EYS: variants seen among roughly 807,000 people sequenced by gnomAD.
The protein encoded by EYS is protein eyes shut homolog.
Under a neutral mutation model 282.1 loss-of-function variants are expected in EYS, and 250 were observed. That is an observed-to-expected ratio of 0.89 (90% CI 0.80 to 0.98). The LOEUF (loss-of-function observed/expected upper bound fraction) is 0.98, where lower values mean the gene tolerates loss of function less well. Among genes scored for constraint, EYS ranks in the 50% least tolerant of loss-of-function variants. The pLI, the probability that EYS is intolerant of heterozygous loss-of-function variation, is 0.00. For synonymous variants in EYS, 1,355 were observed against 1,282.9 expected, an observed-to-expected ratio of 1.06 and a Z score of -1.20; for missense variants, 4,016 against 3,709.0, an observed-to-expected ratio of 1.08 and a Z score of -2.15.
At chr6:64,096,344 G>A (rs891814994) in intron 31 of EYS, among the ~76,000 whole-genome samples, 1 of 152,190 alleles carries the variant, frequency 6.6e-6, no homozygotes, top group Non-Finnish European at 1.5e-5. Flanking sequence ...ACTGCAGAGT[G>A]TTTTCCAACT....
intron 14 of EYS, among the ~76,000 whole-genome samples, chr6:64,965,634 A>C (rs2150108376): frequency 6.6e-6 from 1 of 152,238 alleles, no homozygotes; most frequent in South Asian, 2.1e-4. Flanking sequence ...CTTTTTATAT[A>C]GCATCATCCC....
At chr6:65,122,676 A>G (rs963759931) in intron 12 of EYS, among the ~76,000 whole-genome samples, 2 of 152,140 alleles carry the variant, frequency 1.3e-5, no homozygotes, top group Non-Finnish European at 2.9e-5. Context: ...GGAATAATTA[A>G]ACATTTATTG....
intron 30 of EYS, among the ~76,000 whole-genome samples, chr6:64,272,678 C>T (rs975516528): frequency 6.6e-6 from 1 of 152,126 alleles, no homozygotes; most frequent in East Asian, 1.9e-4. Flanking sequence ...GGGATTTTGA[C>T]TGGAATTGTA....
intron 29 of EYS, among the ~76,000 whole-genome samples, chr6:64,366,824 A>C (rs1241459381): frequency 1.3e-5 from 2 of 152,084 alleles, no homozygotes; most frequent in East Asian, 3.9e-4. Context: ...TAGGCTGTTG[A>C]AAGTGCTTGC....
intron 26 of EYS, among the ~76,000 whole-genome samples, chr6:64,551,670 A>G (rs1765087272): frequency 6.6e-6 from 1 of 151,686 alleles, no homozygotes; most frequent in South Asian, 2.1e-4. Flanking sequence ...CTGAGTACCA[A>G]GGACCACAAG....
At chr6:65,554,493 A>T (rs2351265) in intron 2 of EYS, among the ~76,000 whole-genome samples, 83,391 of 151,830 alleles carry the variant, frequency 0.55, 22,935 homozygotes, top group East Asian at 0.71. Context: ...CTTGTTTTGA[A>T]AGATGCTTTT....
At chr6:65,349,143 G>T (rs1032350417) in intron 9 of EYS, among the ~76,000 whole-genome samples, 1 of 151,294 alleles carries the variant, frequency 6.6e-6, no homozygotes, top group African/African-American at 2.4e-5. Context: ...TTTATTATAT[G>T]TTATATATTT....
intron 22 of EYS, among the ~76,000 whole-genome samples, chr6:64,657,264 G>A (rs1032501889): frequency 6.6e-6 from 1 of 152,022 alleles, no homozygotes; most frequent in African/African-American, 2.4e-5. Flanking sequence ...ACATGAGATG[G>A]GTTTCCTGAA....
chr6:65,170,221 C>T (rs541099851), intron 12 of EYS, among the ~76,000 whole-genome samples: 25 of 150,894 alleles, frequency 1.7e-4, no homozygotes, highest in Non-Finnish European at 2.8e-4. Flanking sequence ...CACACGCGCG[C>T]GTGCACGCAC....
In EYS at chr6:63,985,247, G is replaced by A. The variant is rs117517945; in HGVS notation, c.6835-644C>T. ...AATATTGCCATGTGAACAAAAAGGC[G>A]GAGATCAGGGTGATGCATCTATGGG... is the stretch of plus-strand genomic sequence containing the variant. On this transcript the variant is annotated intron_variant, in intron 34 of 42. Coordinates refer to ENST00000503581, the MANE Select transcript of EYS (RefSeq NM_001142800.2). Among the ~76,000 whole-genome samples, 1,494 of 151,704 alleles carry A rather than the reference G, an allele frequency of 9.8e-3. 22 individuals carry two copies. Among genetic ancestry groups the A allele is most frequent in the East Asian group, 0.036 (183 of 5,126 alleles).
intron 22 of EYS, among the ~76,000 whole-genome samples, chr6:64,656,671 A>G (rs9354006): frequency 0.64 from 97,329 of 152,014 alleles, 31,391 homozygotes; most frequent in African/African-American, 0.71. Flanking sequence ...CACCTGATAG[A>G]CTAAGAAAGC....
At chr6:64,044,480 T>A (rs144284139) in intron 33 of EYS, among the ~76,000 whole-genome samples, 63 of 152,328 alleles carry the variant, frequency 4.1e-4, no homozygotes, top group African/African-American at 1.4e-3. Flanking sequence ...GAACGTAAGT[T>A]CACTTATGAG....
chr6:65,280,481 G>A (rs1317560950), intron 12 of EYS, among the ~76,000 whole-genome samples: 2 of 152,046 alleles, frequency 1.3e-5, no homozygotes, highest in South Asian at 2.1e-4. Context: ...GCACCCTGAC[G>A]TTTCACATAG....
At chr6:65,294,778 A>G (rs1262059149) in intron 12 of EYS, among the ~76,000 whole-genome samples, 1 of 151,936 alleles carries the variant, frequency 6.6e-6, no homozygotes, top group Admixed American at 6.6e-5. Flanking sequence ...TTGTTAAAGA[A>G]ATGATATATA....
chr6:63,751,209 A>G (rs889895008), intron 41 of EYS, among the ~76,000 whole-genome samples: 2 of 152,208 alleles, frequency 1.3e-5, no homozygotes, highest in South Asian at 2.1e-4. Context: ...TGTACATACT[A>G]TAAGGCTATG....
intron 12 of EYS, among the ~76,000 whole-genome samples, chr6:65,135,332 TTG>T: frequency 6.6e-6 from 1 of 152,192 alleles, no homozygotes; most frequent in Admixed American, 6.6e-5. Flanking sequence ...TTTTATGAAG[TTG>T]TGTTACTTTT....
chr6:65,124,490 GT>G (rs1301699545), intron 12 of EYS, among the ~76,000 whole-genome samples: 1 of 152,046 alleles, frequency 6.6e-6, no homozygotes, highest in Non-Finnish European at 1.5e-5. Context: ...AAAAAATGGA[GT>G]TTTGTACTTA....
At chr6:65,549,974 G>C (rs982587006) in intron 2 of EYS, among the ~76,000 whole-genome samples, 3 of 142,968 alleles carry the variant, frequency 2.1e-5, no homozygotes, top group African/African-American at 7.8e-5. Context: ...TCTCAGGGAG[G>C]GGCAAGGTGG....
At chr6:63,972,167 G>T (rs1044751033) in intron 35 of EYS, among the ~76,000 whole-genome samples, 66 of 152,184 alleles carry the variant, frequency 4.3e-4, no homozygotes, top group African/African-American at 1.5e-3. Context: ...TCTAAGCAGA[G>T]TTGAATGGGT....
Sources: allele counts gnomAD v4.1 joint callset (sites outside exome capture counted in the v4.1 genomes callset), GRCh38; gene constraint gnomAD v4.1.1; transcripts MANE v1.5; gene names NCBI Gene and HGNC (gene_info 2026-07-23, HGNC 2026-07-21).